TRPA1: variants seen among roughly 807,000 people sequenced by gnomAD.
TRPA1 encodes transient receptor potential cation channel subfamily A member 1.
Under a neutral mutation model 131.3 loss-of-function variants are expected in TRPA1, and 129 were observed. That is an observed-to-expected ratio of 0.98 (90% CI 0.85 to 1.14). The LOEUF is 1.14. TRPA1 is among the 50% of genes most tolerant of loss of function. The pLI is 0.00. For synonymous variants in TRPA1, 441 were observed against 451.7 expected (o/e 0.98, Z 0.30); for missense variants, 1,304 against 1,354.2 (o/e 0.96, Z 0.58).
intron 7 of TRPA1, among the ~76,000 whole-genome samples, chr8:72,060,800 G>T (rs920766437): frequency 6.6e-6 from 1 of 150,782 alleles, no homozygotes; most frequent in Non-Finnish European, 1.5e-5. Flanking sequence ...ATCCTATTGT[G>T]CCTGGTGGTT....
Position 72,069,102 on chromosome 8 carries a change from G to A in TRPA1, c.365C>T (p.Ala122Val), listed in dbSNP as rs61758122. ...ESVKFLLSRG[A>V]NPNLRNFNMM... is the part of the protein sequence containing the mutation. ...GTTGAAGTTTCGGAGATTTGGGTTT[G>A]CTCCTCTGCTGAGAAGAAACTTAAC... The change falls in exon 3 of 27, where the codon GCA becomes GTA. Residue 122 changes from alanine (A) to valine (V), a missense_variant. By Grantham distance (64) the Ala-to-Val change is moderately conservative. Coordinates refer to ENST00000262209, the MANE Select transcript of TRPA1 (RefSeq NM_007332.3). 1.7e-3 allele frequency: 2,760 copies of A among 1,614,160 alleles called. 3 individuals are homozygous for A. The highest frequency in any genetic ancestry group is 2.3e-3 in the Non-Finnish European group (2,676 of 1,179,996).
intron 18 of TRPA1, 23 bp downstream of exon 18, chr8:72,039,704 A>C (rs1282295929): frequency 6.7e-7 from 1 of 1,489,046 alleles, no homozygotes; most frequent in East Asian, 2.3e-5. Flanking sequence ...AGCATTAAAC[A>C]AGAAATACTA....
At chr8:72,087,927 G>A in the TRPA1 span, among the ~76,000 whole-genome samples, 9 of 152,160 alleles carry the variant, frequency 5.9e-5, no homozygotes, top group African/African-American at 1.9e-4. Flanking sequence ...GCAGCTCTAT[G>A]TGCTTCAGCT....
rs1585875976 is a variant in TRPA1, at chr8:72,055,863, A to G, written c.1195-8T>C. ...CTCTTTGATCTGTTGCATCTATAGG[A>G]AAAAATTAATATCATACAAATAACT... On this transcript the variant is annotated splice_polypyrimidine_tract_variant and splice_region_variant and intron_variant, in intron 10 of 26. Transcript: ENST00000262209. The G allele has an allele frequency of 8.1e-7, 1 of 1,235,346 alleles. No homozygotes were observed. The highest frequency in any genetic ancestry group is 1.1e-6 in the Non-Finnish European group (1 of 937,264). 76.5% of individuals were successfully genotyped at this position (1,235,346 alleles called of 1,614,324 possible). A position where few individuals can be genotyped will look rare whatever the true frequency, so the allele number is the denominator to read the frequency against.
intron 17 of TRPA1, among the ~76,000 whole-genome samples, chr8:72,040,521 T>G (rs964513468): frequency 2.6e-5 from 4 of 152,172 alleles, no homozygotes; most frequent in Non-Finnish European, 4.4e-5. Flanking sequence ...CAAAGCACAG[T>G]GCCATTGGGA....
intron 1 of TRPA1, 104 bp from the exon 2 acceptor site, chr8:72,071,971 T>A (rs1806073327): frequency 9.5e-7 from 1 of 1,049,480 alleles, no homozygotes. Flanking sequence ...AAACTATCTA[T>A]CATGCTTATA....
chr8:72,079,711 G>A (rs181302947), upstream of TRPA1, among the ~76,000 whole-genome samples: 3 of 152,002 alleles, frequency 2.0e-5, no homozygotes, highest in Admixed American at 6.5e-5. Context: ...CATTGTTTCT[G>A]GGTATGCCTG....
chr8:72,052,679 G>A lies in TRPA1; in HGVS notation c.1731C>T (p.Asn577=), dbSNP rs753485898. The A allele has an allele frequency of 1.2e-6, 2 of 1,613,750 alleles. No homozygotes were observed. Among genetic ancestry groups the A allele is most frequent in the African/African-American group, 2.7e-5 (2 of 74,900 alleles). Residue 577 remains asparagine, a synonymous_variant, in exon 14 of 27, where the codon AAC becomes AAT. Coordinates refer to ENST00000262209, the MANE Select transcript of TRPA1 (RefSeq NM_007332.3). The part of the protein sequence containing the change: ...LLSHNADIVL[N]KQQASFLHLA... ...GGTGCAAAAAGGAGGCCTGCTGCTT[G>A]TTCAGGACTATGTCAGCATTGTGGC...
upstream of TRPA1, among the ~76,000 whole-genome samples, chr8:72,077,476 CTGTCTT>C (rs1182761587): frequency 1.3e-5 from 2 of 152,184 alleles, no homozygotes; most frequent in Non-Finnish European, 2.9e-5. Context: ...TTTGTCTTCT[CTGTCTT>C]TAACACTGAA....
intron 25 of TRPA1, among the ~76,000 whole-genome samples, chr8:72,024,699 A>C (rs1231061547): frequency 6.6e-6 from 1 of 152,182 alleles, no homozygotes; most frequent in Non-Finnish European, 1.5e-5. Flanking sequence ...AGGCACCTTT[A>C]AAACATGCAA....
the TRPA1 span, among the ~76,000 whole-genome samples, chr8:72,088,039 C>T: frequency 6.6e-6 from 1 of 152,348 alleles, no homozygotes; most frequent in African/African-American, 2.4e-5. Flanking sequence ...GACACTTTTG[C>T]TGCCTGTTGC....
At chr8:72,063,848 G>A (rs750531991) in intron 4 of TRPA1, among the ~76,000 whole-genome samples, 1 of 151,934 alleles carries the variant, frequency 6.6e-6, no homozygotes, top group South Asian at 2.1e-4. Context: ...TTTTTCAATG[G>A]GATTAATGAG....
At chr8:72,026,840 T>C (rs1312170609) in intron 24 of TRPA1, among the ~76,000 whole-genome samples, 4 of 152,150 alleles carry the variant, frequency 2.6e-5, no homozygotes, top group Non-Finnish European at 5.9e-5. Context: ...AACAAATACT[T>C]TCCAATATTA....
chr8:72,048,740 A>G (rs940680775), intron 15 of TRPA1, among the ~76,000 whole-genome samples: 77 of 152,202 alleles, frequency 5.1e-4, no homozygotes, highest in Non-Finnish European at 1.8e-4. Flanking sequence ...AGTAGTCACA[A>G]TATAAAAGTA....
intron 17 of TRPA1, among the ~76,000 whole-genome samples, chr8:72,046,072 G>T (rs911793821): frequency 6.6e-6 from 1 of 151,952 alleles, no homozygotes; most frequent in Non-Finnish European, 1.5e-5. Context: ...GGTTTACACA[G>T]GAGAAAACTC....
rs1023680832 is a variant in TRPA1 at position 72,065,567 on chromosome 8, A to G, written c.445-9T>C. ...CTATGCTCAAGCAAGACCTAAAAAA[A>G]GGGGAGAATAATTGTCAAAATTTTT... On this transcript the variant is annotated splice_polypyrimidine_tract_variant and intron_variant, in intron 3 of 26. Coordinates refer to ENST00000262209, the MANE Select transcript of TRPA1 (RefSeq NM_007332.3). The G allele has an allele frequency of 6.2e-6, 10 of 1,608,832 alleles. No homozygotes were observed. The highest frequency in any genetic ancestry group is 1.7e-5 in the Admixed American group (1 of 59,870).
chr8:72,047,148 A>G lies in TRPA1; in HGVS notation c.1965T>C (p.Tyr655=), dbSNP rs143973551. ...GATAATGATGATAAAATAAACTTAC[A>G]TAATAGTCTCGGCAGGACTTGTCTT... ...STEDKSCRDY[Y]IEYNFKYLQC... Residue 655 remains tyrosine (Y), a splice_region_variant and synonymous_variant, in exon 16 of 27, where the codon TAT becomes TAC. Coordinates refer to ENST00000262209, the MANE Select transcript of TRPA1 (RefSeq NM_007332.3). 11,469 of 1,601,348 alleles carry G rather than the reference A, an allele frequency of 7.2e-3. 63 individuals are homozygous for G. Among genetic ancestry groups the G allele is most frequent in the Non-Finnish European group, 8.9e-3 (10,468 of 1,169,882 alleles).
intron 15 of TRPA1, among the ~76,000 whole-genome samples, chr8:72,050,095 C>A (rs533327128): frequency 6.6e-6 from 1 of 152,180 alleles, no homozygotes; most frequent in Admixed American, 6.5e-5. Flanking sequence ...ACTCCCCTCT[C>A]CCCCCACCCC....
In TRPA1 at chr8:72,063,511, C is replaced by G. The variant is rs768812025; in HGVS notation, c.613G>C (p.Ala205Pro). Residue 205 changes from alanine to proline, a missense_variant, in exon 5 of 27, where the codon GCT becomes CCT. Coordinates refer to ENST00000262209, the MANE Select transcript of TRPA1 (RefSeq NM_007332.3). ...NKWGCFPIHQ[A>P]AFSGSKECME... is the part of the protein sequence containing the mutation. ...CATTCTTTGGAACCTGAAAATGCAGCTTGGTGAATAGGGAAACATCCCCAT... is the reference window on the plus strand; with the variant it reads ...CATTCTTTGGAACCTGAAAATGCAGGTTGGTGAATAGGGAAACATCCCCAT... 2 of 1,613,778 alleles carry G rather than the reference C, an allele frequency of 1.2e-6. No homozygotes were observed. The highest frequency in any genetic ancestry group is 4.5e-5 in the East Asian group (2 of 44,858).
Sources: allele counts gnomAD v4.1 joint callset (sites outside exome capture counted in the v4.1 genomes callset), GRCh38; gene constraint gnomAD v4.1.1; transcripts MANE v1.5; gene names NCBI Gene and HGNC (gene_info 2026-07-23, HGNC 2026-07-21).